Variants in KIF16B observed in about 807,000 individuals in gnomAD.
KIF16B encodes the protein kinesin-like protein KIF16B.
KIF16B carries 98 observed loss-of-function variants against 156.3 expected under a neutral mutation model. That is an observed-to-expected ratio of 0.63 (90% CI 0.53 to 0.74). KIF16B has a LOEUF of 0.74. Ranked by LOEUF, KIF16B falls within the 30% of genes least tolerant of loss-of-function variation. The probability of loss-of-function intolerance (pLI) is 0.00; values close to 1 mark genes in which losing one functional copy is unlikely to be tolerated. For synonymous variants in KIF16B, 564 were observed against 583.7 expected, an observed-to-expected ratio of 0.97 and a Z score of 0.49; for missense variants, 1,421 against 1,606.5, an observed-to-expected ratio of 0.88 and a Z score of 1.97.
intron 12 of KIF16B, among the ~76,000 whole-genome samples, chr20:16,469,561 T>TAAAA (rs368181137): frequency 9.1e-6 from 1 of 110,298 alleles, no homozygotes. Context: ...CCACCTTAAC[T>TAAAA]AAAAAAAAAA....
At chr20:16,556,495 C>CTG in intron 1 of KIF16B, among the ~76,000 whole-genome samples, 1 of 152,202 alleles carries the variant, frequency 6.6e-6, no homozygotes, top group South Asian at 2.1e-4. Flanking sequence ...GCGCAAATCA[C>CTG]TGTGTGTCTA....
chr20:16,277,405 C>T (rs1028375961), intron 25 of KIF16B, among the ~76,000 whole-genome samples: 1 of 151,078 alleles, frequency 6.6e-6, no homozygotes, highest in African/African-American at 2.4e-5. Context: ...TAGAGATTTA[C>T]ACTCAAATCT....
chr20:16,291,463 T>C (rs943910035), intron 25 of KIF16B, among the ~76,000 whole-genome samples: 1 of 152,238 alleles, frequency 6.6e-6, no homozygotes, highest in East Asian at 1.9e-4. Context: ...TATGTAAGCA[T>C]CAGTCTTTCA....
At chr20:16,369,823 C>G (rs1238812017) in intron 22 of KIF16B, among the ~76,000 whole-genome samples, 1 of 152,174 alleles carries the variant, frequency 6.6e-6, no homozygotes, top group Non-Finnish European at 1.5e-5. Flanking sequence ...CATGGAAGGA[C>G]TACTGTGCAC....
chr20:16,273,015 G>T lies in KIF16B; in HGVS notation c.*238C>A. The stretch of plus-strand genomic sequence containing the variant: ...AGGAAGCACTGTGGGAAAAGGCCAC[G>T]TTCAACCGCAATGGAACGGTAACGG... On this transcript the variant is annotated 3_prime_UTR_variant, in exon 26 of 26. Coordinates refer to ENST00000354981, the MANE Select transcript of KIF16B (RefSeq NM_024704.5). 1 of 481,340 alleles carries T rather than the reference G, an allele frequency of 2.1e-6. No individual in the cohort carries two copies. Among genetic ancestry groups the T allele is most frequent in the Non-Finnish European group, 3.8e-6 (1 of 266,592 alleles). 29.8% of individuals were successfully genotyped at this position (481,340 alleles called of 1,614,324 possible).
At chr20:16,407,658 A>G (rs896725916) in intron 15 of KIF16B, among the ~76,000 whole-genome samples, 2 of 152,150 alleles carry the variant, frequency 1.3e-5, no homozygotes, top group South Asian at 2.1e-4. Flanking sequence ...ATGTCCATCC[A>G]AAGTTCAGGA....
rs766882454 is a variant in KIF16B at position 16,506,222 on chromosome 20, G to C, written c.700-32C>G. 1.3e-5 allele frequency: 20 copies of C among 1,569,356 alleles called. No homozygotes were observed. In the South Asian group the frequency reaches 2.2e-4, roughly 17 times the overall value. Reference sequence around the variant, plus strand: ...TAAAATAAAAAAGTAAAATTGAAGAGGTGCAAAGGGCCCTGATGTTGTTGA... The same window carrying C: ...TAAAATAAAAAAGTAAAATTGAAGACGTGCAAAGGGCCCTGATGTTGTTGA... On this transcript the variant is annotated intron_variant, in intron 7 of 25. Coordinates refer to ENST00000354981, the MANE Select transcript of KIF16B (RefSeq NM_024704.5).
intron 1 of KIF16B, among the ~76,000 whole-genome samples, chr20:16,540,689 C>G (rs6080295): frequency 0.13 from 20,293 of 152,164 alleles, 1,672 homozygotes; most frequent in South Asian, 0.19. Context: ...CCCAGTACCC[C>G]TTTCTCACAA....
intron 12 of KIF16B, among the ~76,000 whole-genome samples, chr20:16,475,425 C>T (rs1468168362): frequency 6.6e-6 from 1 of 152,172 alleles, no homozygotes; most frequent in East Asian, 1.9e-4. Context: ...GAGTTCATGT[C>T]CTTAACTGAT....
At chr20:16,409,970 CATAT>C (rs138849281) in intron 15 of KIF16B, among the ~76,000 whole-genome samples, 4,031 of 42,654 alleles carry the variant, frequency 0.095, 440 homozygotes, top group East Asian at 0.12. Flanking sequence ...TATATATATA[CATAT>C]ATATATATAT....
At chr20:16,431,799 C>A (rs1437332268) in intron 12 of KIF16B, among the ~76,000 whole-genome samples, 2 of 151,576 alleles carry the variant, frequency 1.3e-5, no homozygotes, top group Non-Finnish European at 2.9e-5. Context: ...TCACCCCATA[C>A]AAAATAGCAA....
intron 15 of KIF16B, among the ~76,000 whole-genome samples, chr20:16,411,827 G>A (rs149044835): frequency 4.6e-5 from 7 of 151,832 alleles, no homozygotes; most frequent in East Asian, 1.9e-4. Context: ...TTTTGATTGC[G>A]ACCCCATCAC....
At chr20:16,303,094 AC>A (rs1194756721) in intron 25 of KIF16B, among the ~76,000 whole-genome samples, 10 of 152,246 alleles carry the variant, frequency 6.6e-5, no homozygotes, top group Non-Finnish European at 1.0e-4. Context: ...GCTTAAAAAA[AC>A]AATAATCATT....
Position 16,427,097 on chromosome 20 carries a change from C to G in KIF16B, c.1612+7G>C. 6.3e-7 allele frequency: 1 copy of G among 1,592,232 alleles called. No individual in the cohort carries two copies. On this transcript the variant is annotated splice_region_variant and intron_variant, in intron 15 of 25. Coordinates refer to ENST00000354981, the MANE Select transcript of KIF16B (RefSeq NM_024704.5). ...TACAAAGACCTGTGAAAATTAAAAC[C>G]AGATACCTTGATTTAGATGTGTGGC...
chr20:16,463,555 A>T (rs539695508), intron 12 of KIF16B, among the ~76,000 whole-genome samples: 2 of 152,188 alleles, frequency 1.3e-5, no homozygotes, highest in African/African-American at 4.8e-5. Context: ...TCTACACACA[A>T]ACACACACAC....
chr20:16,549,017 T>C (rs1416802283), intron 1 of KIF16B, among the ~76,000 whole-genome samples: 1 of 132,402 alleles, frequency 7.6e-6, no homozygotes, highest in African/African-American at 2.8e-5. Flanking sequence ...TTCGGTTTTT[T>C]TTTTTTATGT....
intron 3 of KIF16B, 57 bp from the exon 4 acceptor site, chr20:16,515,721 C>A: frequency 2.2e-6 from 2 of 907,328 alleles, no homozygotes; most frequent in Admixed American, 1.8e-5. Context: ...TAATAATAGC[C>A]CCTTCAGTGT....
intron 12 of KIF16B, among the ~76,000 whole-genome samples, chr20:16,483,775 G>A (rs879073294): frequency 6.6e-6 from 1 of 152,060 alleles, no homozygotes; most frequent in Admixed American, 6.6e-5. Flanking sequence ...TCTAGGCAAG[G>A]AGAAAACCAT....
At chr20:16,511,396 G>T in intron 6 of KIF16B, 22 bp downstream of exon 6, 1 of 1,233,202 alleles carries the variant, frequency 8.1e-7, no homozygotes. Context: ...AAAGAATATG[G>T]CTGTGAAATA....
Sources: allele counts gnomAD v4.1 joint callset (sites outside exome capture counted in the v4.1 genomes callset), GRCh38; gene constraint gnomAD v4.1.1; transcripts MANE v1.5; gene names NCBI Gene and HGNC (gene_info 2026-07-23, HGNC 2026-07-21).